RAD54L2: variants seen among roughly 807,000 people sequenced by gnomAD.
The protein encoded by RAD54L2 is helicase ARIP4.
Under a neutral mutation model 138.4 loss-of-function variants are expected in RAD54L2, and 27 were observed. The ratio of observed to expected loss-of-function variants is 0.20; its 90% CI spans 0.14 to 0.27. The LOEUF is 0.27. RAD54L2 is among the 10% of genes least tolerant of loss of function. The pLI, the probability that RAD54L2 is intolerant of heterozygous loss-of-function variation, is 1.00. For synonymous variants in RAD54L2, 644 were observed against 723.2 expected (o/e 0.89, Z 1.76); for missense variants, 1,396 against 1,890.2 (o/e 0.74, Z 4.85).
chr3:51,657,226 C>T lies in RAD54L2; in HGVS notation c.3227-354C>T, dbSNP rs150570453. On this transcript the variant is annotated intron_variant, in intron 20 of 22. Transcript: ENST00000684192. ...ATTTTTGGAGCCTAAAGTGATGTGG[C>T]GCAGATGCGTGCAAACAGTTTGGGG... Among the ~76,000 whole-genome samples the T allele has an allele frequency of 7.0e-3, 1,062 of 152,054 alleles. 8 individuals are homozygous for T. Among genetic ancestry groups the T allele is most frequent in the Admixed American group, 7.6e-3 (116 of 15,270 alleles).
rs565688035 is a variant in RAD54L2, at chr3:51,548,984, C to T, written c.-55+7334C>T. 5.3e-5 allele frequency among the ~76,000 whole-genome samples: 8 copies of T among 151,958 alleles called. No individual in the cohort carries two copies. The East Asian group carries it at 7.7e-4, about 15-fold the overall frequency. On this transcript the variant is annotated intron_variant, in intron 2 of 22. Transcript: ENST00000684192. ...GATTACAGGTGCAGGCCACCATGCC[C>T]GGCTAATTTTTTTGTATTTGTTTTT... is the stretch of plus-strand genomic sequence containing the variant.
intron 2 of RAD54L2, among the ~76,000 whole-genome samples, chr3:51,578,046 A>G (rs1277783632): frequency 2.6e-5 from 4 of 152,094 alleles, no homozygotes; most frequent in African/African-American, 9.7e-5. Context: ...ATACAATACT[A>G]TTATCTAATT....
chr3:51,544,112 G>T (rs1274840267), intron 2 of RAD54L2, among the ~76,000 whole-genome samples: 1 of 151,978 alleles, frequency 6.6e-6, no homozygotes, highest in African/African-American at 2.4e-5. Flanking sequence ...CCTACTTCAA[G>T]GCAGGAGCTT....
chr3:51,572,641 C>CTT (rs113783205), intron 2 of RAD54L2, among the ~76,000 whole-genome samples: 6 of 136,554 alleles, frequency 4.4e-5, no homozygotes, highest in Non-Finnish European at 6.4e-5. Context: ...TGCTATAAAT[C>CTT]TTTTTTTTTT....
At chr3:51,594,967 C>T (rs199729560) in intron 3 of RAD54L2, among the ~76,000 whole-genome samples, 2 of 140,718 alleles carry the variant, frequency 1.4e-5, no homozygotes, top group African/African-American at 5.3e-5. Context: ...CAGGTTCAAG[C>T]GATTCTCCTG....
At chr3:51,582,600 T>C (rs1189321330) in intron 2 of RAD54L2, among the ~76,000 whole-genome samples, 2 of 151,878 alleles carry the variant, frequency 1.3e-5, no homozygotes, top group Admixed American at 1.3e-4. Flanking sequence ...TTTTTTTTTT[T>C]TCCTGCTGGC....
intron 5 of RAD54L2, among the ~76,000 whole-genome samples, chr3:51,629,926 C>T (rs1678450397): frequency 6.6e-6 from 1 of 152,140 alleles, no homozygotes; most frequent in Non-Finnish European, 1.5e-5. Context: ...AGTCATTCAG[C>T]TTCTTGAGAG....
intron 16 of RAD54L2, 81 bp downstream of exon 16, chr3:51,644,055 T>G: frequency 2.7e-6 from 3 of 1,110,320 alleles, no homozygotes; most frequent in Non-Finnish European, 3.9e-6. Flanking sequence ...AAACTCCAAG[T>G]TCCCTCAGAA....
rs1179566907 is a variant in RAD54L2 at position 51,630,778 on chromosome 3, T to C, written c.672T>C (p.Asp224=). The part of the protein sequence containing the change: ...IVDSSESVSE[D]DEEEEKGGTH... ...ACAGCAGTGAATCTGTCAGTGAAGA[T>C]GATGAGGAAGAAGAGAAGGGTGGCA... Residue 224 remains aspartate (D), a synonymous_variant, in exon 7 of 23, where the codon GAT becomes GAC. Coordinates refer to ENST00000684192, the MANE Select transcript of RAD54L2 (RefSeq NM_015106.4). 6 of 1,613,836 alleles carry C rather than the reference T, an allele frequency of 3.7e-6. No homozygotes were observed. In the African/African-American group the frequency reaches 8.0e-5, roughly 22 times the overall value.
At chr3:51,630,429 G>GTT (rs1559643455) in intron 6 of RAD54L2, 41 bp downstream of exon 6, 1 of 1,539,524 alleles carries the variant, frequency 6.5e-7, no homozygotes, top group Admixed American at 1.7e-5. Context: ...CCGACCTGGT[G>GTT]TTCATGCTGA....
chr3:51,563,909 A>G (rs1486215416), intron 2 of RAD54L2, among the ~76,000 whole-genome samples: 1 of 152,212 alleles, frequency 6.6e-6, no homozygotes, highest in African/African-American at 2.4e-5. Context: ...ATAATTCCTT[A>G]AATGTCCTGT....
intron 3 of RAD54L2, among the ~76,000 whole-genome samples, chr3:51,605,241 C>T: frequency 6.6e-6 from 1 of 151,788 alleles, no homozygotes; most frequent in East Asian, 1.9e-4. Context: ...AGACCCCCAC[C>T]ACCATGCCCA....
At chr3:51,622,901 G>A (rs1559640191) in intron 3 of RAD54L2, among the ~76,000 whole-genome samples, 1 of 152,210 alleles carries the variant, frequency 6.6e-6, no homozygotes, top group Non-Finnish European at 1.5e-5. Context: ...TACCCATTCT[G>A]TTATTTCAAA....
chr3:51,668,574 A>G lies in RAD54L2; in HGVS notation c.*5154A>G, dbSNP rs1213829408. 6.6e-6 allele frequency: 1 copy of G among 152,240 alleles called. No homozygotes were observed. The highest frequency in any genetic ancestry group is 1.9e-4 in the East Asian group (1 of 5,204). 9.4% of individuals were successfully genotyped at this position (152,240 alleles called of 1,614,324 possible). ...TTGTGTTTCATGTCACTTTTTTAAA[A>G]AAAAGCAAACAGAACAATTGTAAGT... On this transcript the variant is annotated 3_prime_UTR_variant, in exon 23 of 23. Coordinates refer to ENST00000684192, the MANE Select transcript of RAD54L2 (RefSeq NM_015106.4).
chr3:51,616,405 T>C (rs941673967), intron 3 of RAD54L2, among the ~76,000 whole-genome samples: 1 of 152,246 alleles, frequency 6.6e-6, no homozygotes, highest in East Asian at 1.9e-4. Context: ...AGCATAACTT[T>C]AGCAATATCG....
chr3:51,598,169 G>GTATATA (rs1159196598), intron 3 of RAD54L2, among the ~76,000 whole-genome samples: 2 of 144,882 alleles, frequency 1.4e-5, no homozygotes, highest in African/African-American at 5.1e-5. Context: ...GTGTGTGTGT[G>GTATATA]TGTGTGTGTA....
chr3:51,596,833 C>G (rs964854137), intron 3 of RAD54L2, among the ~76,000 whole-genome samples: 1 of 152,164 alleles, frequency 6.6e-6, no homozygotes, highest in African/African-American at 2.4e-5. Flanking sequence ...ATTGTTTGGC[C>G]TACGTTGTGG....
chr3:51,625,091 A>G (rs1003277752), intron 3 of RAD54L2, among the ~76,000 whole-genome samples: 2 of 152,126 alleles, frequency 1.3e-5, no homozygotes, highest in Non-Finnish European at 2.9e-5. Context: ...CCCCAAAGAC[A>G]CTTGACTACA....
chr3:51,663,059 T>G lies in RAD54L2; in HGVS notation c.4043T>G (p.Val1348Gly). ...TTTCCAGTGACTACTGACCCTCTGG[T>G]GCCAGCAGGCCCCGTCAGTTCCTCT... is the stretch of plus-strand genomic sequence containing the variant. ...LVFPVTTDPL[V>G]PAGPVSSSST... Residue 1348 changes from valine to glycine, a missense_variant, in exon 23 of 23, where the codon GTG becomes GGG. Val to Gly is a moderately radical substitution (Grantham distance 109). Around this residue, in one of 7 missense-constraint regions of RAD54L2, gnomAD observed 634 missense variants for 711.2 expected, o/e 0.89. Coordinates refer to ENST00000684192, the MANE Select transcript of RAD54L2 (RefSeq NM_015106.4). The G allele has an allele frequency of 6.2e-7, 1 of 1,613,962 alleles. No homozygotes were observed. Among genetic ancestry groups the G allele is most frequent in the African/African-American group, 1.3e-5 (1 of 75,030 alleles).
Sources: allele counts gnomAD v4.1 joint callset (sites outside exome capture counted in the v4.1 genomes callset), GRCh38; gene constraint gnomAD v4.1.1; regional missense constraint gnomAD v4.1.1; transcripts MANE v1.5; gene names NCBI Gene and HGNC (gene_info 2026-07-23, HGNC 2026-07-21).